The following TMC7 variants were observed in gnomAD, a reference collection of about 807,000 sequenced individuals.
TMC7 encodes transmembrane channel-like protein 7.
Under a neutral mutation model 82.9 loss-of-function variants are expected in TMC7, and 54 were observed. The ratio of observed to expected loss-of-function variants is 0.65; its 90% CI spans 0.52 to 0.82. The LOEUF (loss-of-function observed/expected upper bound fraction) is 0.82. Ranked by LOEUF, TMC7 falls within the 40% of genes least tolerant of loss-of-function variation. TMC7 has a pLI of 0.00. For synonymous variants in TMC7, 350 were observed against 337.9 expected (o/e 1.04, Z -0.39); for missense variants, 820 against 901.2 (o/e 0.91, Z 1.15).
intron 11 of TMC7, 120 bp from the exon 12 acceptor site, chr16:19,046,943 A>T: frequency 1.2e-6 from 1 of 805,964 alleles, no homozygotes; most frequent in Non-Finnish European, 2.0e-6. Context: ...CTGCATCTTT[A>T]AGACATTTGA....
At chr16:19,059,594 C>T (rs752098659) in intron 15 of TMC7, 100 bp downstream of exon 15, 18 of 1,605,756 alleles carry the variant, frequency 1.1e-5, no homozygotes, top group Non-Finnish European at 1.4e-5. Flanking sequence ...ATTACTGCAG[C>T]CTTCTCTCAC....
intron 1 of TMC7, among the ~76,000 whole-genome samples, chr16:18,990,082 A>G (rs2038923334): frequency 6.6e-6 from 1 of 152,094 alleles, no homozygotes; most frequent in Non-Finnish European, 1.5e-5. Flanking sequence ...GGTGGATCTC[A>G]CAAAGTACAT....
At position 19,051,884 on chromosome 16, in the gene TMC7, G is replaced by A. The variant is rs1289487592; in HGVS notation, c.1871+68G>A. On this transcript the variant is annotated intron_variant, in intron 13 of 15. Coordinates refer to ENST00000304381, the MANE Select transcript of TMC7 (RefSeq NM_024847.4). The stretch of plus-strand genomic sequence containing the variant: ...ACCTCTTCCTCTTTTATGTAAAAGC[G>A]TCCGTCATATCACATTTTTTTTTTT... 2.9e-5 allele frequency: 46 copies of A among 1,579,812 alleles called. 1 individual carries two copies. Among genetic ancestry groups the A allele is most frequent in the Middle Eastern group, 3.4e-4 (2 of 5,924 alleles).
chr16:18,992,401 A>C (rs1157005362), intron 1 of TMC7, among the ~76,000 whole-genome samples: 1 of 152,184 alleles, frequency 6.6e-6, no homozygotes, highest in Non-Finnish European at 1.5e-5. Flanking sequence ...TCTTCTTTTG[A>C]GAAGTGTCTG....
chr16:19,046,930 A>G (rs572169263), intron 11 of TMC7, 133 bp from the exon 12 acceptor site: 15 of 717,150 alleles, frequency 2.1e-5, no homozygotes, highest in Non-Finnish European at 3.3e-5. Flanking sequence ...AGTTCATTAT[A>G]TTCTGCATCT....
At chr16:18,999,902 T>A (rs549555439) in intron 1 of TMC7, among the ~76,000 whole-genome samples, 41 of 152,226 alleles carry the variant, frequency 2.7e-4, no homozygotes, top group South Asian at 8.3e-4. Context: ...TAGCTGGGAC[T>A]ACAGGTGCCC....
intron 6 of TMC7, 39 bp from the exon 7 acceptor site, chr16:19,035,636 TG>T: frequency 6.2e-7 from 1 of 1,613,714 alleles, no homozygotes; most frequent in Non-Finnish European, 8.5e-7. Flanking sequence ...TCTCTTTTGC[TG>T]TTGTTTCTAT....
At chr16:19,014,518 G>A (rs1959575144) in intron 2 of TMC7, among the ~76,000 whole-genome samples, 1 of 152,240 alleles carries the variant, frequency 6.6e-6, no homozygotes, top group African/African-American at 2.4e-5. Flanking sequence ...ACAGACTGGT[G>A]GGAGGGTGGA....
intron 1 of TMC7, among the ~76,000 whole-genome samples, chr16:18,992,709 T>C (rs1248935647): frequency 6.6e-6 from 1 of 152,224 alleles, no homozygotes; most frequent in African/African-American, 2.4e-5. Context: ...TAGGTTTTCT[T>C]CTAGGGTTTT....
intron 13 of TMC7, among the ~76,000 whole-genome samples, chr16:19,055,722 A>T (rs955968806): frequency 6.6e-6 from 1 of 151,996 alleles, no homozygotes; most frequent in Non-Finnish European, 1.5e-5. Flanking sequence ...TTAAATTTAA[A>T]TTTAAATTTT....
chr16:18,994,111 C>T (rs1008522588), intron 1 of TMC7, among the ~76,000 whole-genome samples: 14 of 151,892 alleles, frequency 9.2e-5, no homozygotes, highest in Non-Finnish European at 1.5e-4. Flanking sequence ...GAAGTCCAGG[C>T]CAGGAACAAT....
chr16:19,033,338 T>C (rs1242606332), intron 6 of TMC7, among the ~76,000 whole-genome samples: 2 of 152,128 alleles, frequency 1.3e-5, no homozygotes, highest in African/African-American at 4.8e-5. Context: ...ACTCTCTGGA[T>C]ATAGGGAAAT....
chr16:19,059,269 G>T, intron 14 of TMC7, 147 bp from the exon 15 acceptor site: 1 of 1,390,982 alleles, frequency 7.2e-7, no homozygotes, highest in Non-Finnish European at 9.6e-7. Flanking sequence ...CCTGGGCAAA[G>T]CACTGGTATT....
intron 1 of TMC7, among the ~76,000 whole-genome samples, chr16:18,985,397 G>A (rs900138875): frequency 7.9e-5 from 12 of 152,120 alleles, no homozygotes; most frequent in African/African-American, 2.7e-4. Flanking sequence ...CAAAAGTTGG[G>A]GTGGATTCAA....
rs1040305316 is a variant in TMC7, at chr16:19,009,294, G to A, written c.190G>A (p.Gly64Arg). 2.7e-5 allele frequency: 43 copies of A among 1,614,072 alleles called. No individual in the cohort carries two copies. The highest frequency in any genetic ancestry group is 1.6e-4 in the Middle Eastern group (1 of 6,084). The change falls in exon 2 of 16, where the codon GGA becomes AGA. Residue 64 changes from glycine to arginine, a missense_variant. Physicochemically the swap from Gly to Arg is moderately radical, Grantham distance 125. Around this residue, in one of 2 missense-constraint regions of TMC7, gnomAD observed 650 missense variants for 669.9 expected, o/e 0.97. Coordinates refer to ENST00000304381, the MANE Select transcript of TMC7 (RefSeq NM_024847.4). ...TGTCCATTCCCGGGACAAGCAAAGCGGAACTTTGCTAAAGCCAACCGACTC... is the reference window on the plus strand; with the variant it reads ...TGTCCATTCCCGGGACAAGCAAAGCAGAACTTTGCTAAAGCCAACCGACTC... ...TTVHSRDKQS[G>R]TLLKPTDSYS... is the part of the protein sequence containing the mutation.
At chr16:19,041,125 G>A (rs1003718162) in intron 9 of TMC7, among the ~76,000 whole-genome samples, 2 of 151,390 alleles carry the variant, frequency 1.3e-5, no homozygotes, top group African/African-American at 4.9e-5. Flanking sequence ...TTGAATTCCT[G>A]GGCTTCAGTG....
chr16:19,061,160 C>T (rs897634198), intron 15 of TMC7, among the ~76,000 whole-genome samples: 1 of 152,106 alleles, frequency 6.6e-6, no homozygotes, highest in Non-Finnish European at 1.5e-5. Flanking sequence ...CCTGCCACCA[C>T]GCCCGGCTAA....
At chr16:19,043,110 C>T (rs1190386960) in intron 9 of TMC7, among the ~76,000 whole-genome samples, 1 of 151,584 alleles carries the variant, frequency 6.6e-6, no homozygotes, top group Non-Finnish European at 1.5e-5. Context: ...AAAACAAGAA[C>T]AAAAACTCAC....
chr16:19,027,225 C>T lies in TMC7; in HGVS notation c.712-2999C>T, dbSNP rs555920277. ...GCTGGATTACAGGTGTGTATGATGA[C>T]GCCCAGCTAAATTTTGTTTTTAGTA... On this transcript the variant is annotated intron_variant, in intron 5 of 15. Transcript: ENST00000304381. Among the ~76,000 whole-genome samples, 321 of 151,354 alleles carry T rather than the reference C, an allele frequency of 2.1e-3. 1 individual carries two copies. The highest frequency in any genetic ancestry group is 3.8e-3 in the Non-Finnish European group (256 of 67,886).
Sources: allele counts gnomAD v4.1 joint callset (sites outside exome capture counted in the v4.1 genomes callset), GRCh38; gene constraint gnomAD v4.1.1; regional missense constraint gnomAD v4.1.1; transcripts MANE v1.5; gene names NCBI Gene and HGNC (gene_info 2026-07-23, HGNC 2026-07-21).